The following TAFA1 variants were observed in gnomAD, a reference collection of about 807,000 sequenced individuals.
TAFA1 encodes TAFA chemokine like family member 1.
A neutral mutation model predicts 18.5 loss-of-function variants in TAFA1; 4 were observed. The observed-to-expected ratio is 0.22, with a 90% CI of 0.11 to 0.49. The LOEUF is 0.49. TAFA1 is among the 20% of genes least tolerant of loss of function. The probability of loss-of-function intolerance (pLI) is 0.98; values close to 1 mark genes in which losing one functional copy is unlikely to be tolerated. For missense variants in TAFA1, 147 were observed against 169.0 expected (o/e 0.87, Z 0.72); for synonymous variants, 56 against 55.2 (o/e 1.01, Z -0.06).
chr3:68,426,218 G>A (rs1001938631), intron 3 of TAFA1, among the ~76,000 whole-genome samples: 25 of 151,788 alleles, frequency 1.6e-4, no homozygotes, highest in African/African-American at 5.3e-4. Flanking sequence ...CAAAAGAAAT[G>A]TATCTGTATA....
intron 2 of TAFA1, among the ~76,000 whole-genome samples, chr3:68,366,085 CA>C (rs35861602): frequency 1.3e-3 from 126 of 93,820 alleles, no homozygotes; most frequent in Admixed American, 1.6e-3. Flanking sequence ...GACTCCATCT[CA>C]AAAAAAAAAA....
intron 2 of TAFA1, among the ~76,000 whole-genome samples, chr3:68,292,026 C>T (rs140885901): frequency 1.2e-4 from 19 of 152,174 alleles, no homozygotes; most frequent in African/African-American, 3.9e-4. Context: ...TTAGCTAATA[C>T]GGTTTCAGTT....
At chr3:68,456,606 G>A (rs1284478252) in intron 3 of TAFA1, among the ~76,000 whole-genome samples, 4 of 152,126 alleles carry the variant, frequency 2.6e-5, no homozygotes, top group African/African-American at 9.7e-5. Flanking sequence ...GTTTTACGCT[G>A]TCAGGTAATG....
At chr3:68,010,997 G>T (rs1225827152) in intron 2 of TAFA1, among the ~76,000 whole-genome samples, 1 of 151,842 alleles carries the variant, frequency 6.6e-6, no homozygotes, top group Admixed American at 6.6e-5. Flanking sequence ...GTTTTTTTGT[G>T]TAACAGGTAA....
chr3:68,405,996 A>G (rs1306504777), intron 2 of TAFA1, among the ~76,000 whole-genome samples: 1 of 152,088 alleles, frequency 6.6e-6, no homozygotes, highest in Non-Finnish European at 1.5e-5. Flanking sequence ...CGATTTATTA[A>G]TTACTTTTCA....
chr3:68,015,109 G>C (rs1006607444), intron 2 of TAFA1, among the ~76,000 whole-genome samples: 3 of 152,090 alleles, frequency 2.0e-5, no homozygotes, highest in African/African-American at 7.2e-5. Context: ...TTAAAAATAT[G>C]CCCATGGTGT....
rs142911586 is a variant in TAFA1 at position 68,396,816 on chromosome 3, C to T, written c.119-20464C>T. On this transcript the variant is annotated intron_variant, in intron 2 of 4. Coordinates refer to ENST00000478136, the MANE Select transcript of TAFA1 (RefSeq NM_213609.4). The stretch of plus-strand genomic sequence containing the variant: ...TTCTATTAAAATGCTGCTTTCATCA[C>T]GTTATTTTACCTGTTAAAATCTTTT... Among the ~76,000 whole-genome samples the T allele has an allele frequency of 2.8e-3, 431 of 152,284 alleles. 1 individual carries two copies. Among genetic ancestry groups the T allele is most frequent in the Non-Finnish European group, 5.3e-3 (363 of 68,024 alleles).
At chr3:68,061,101 C>T (rs1376266340) in intron 2 of TAFA1, among the ~76,000 whole-genome samples, 7 of 152,076 alleles carry the variant, frequency 4.6e-5, no homozygotes, top group African/African-American at 7.2e-5. Context: ...CTGCCTAAAC[C>T]GAGTGGACAG....
At chr3:68,221,310 A>T in intron 2 of TAFA1, among the ~76,000 whole-genome samples, 1 of 151,810 alleles carries the variant, frequency 6.6e-6, no homozygotes, top group East Asian at 1.9e-4. Context: ...CCTTCCCATT[A>T]TTTCTTAGGG....
At chr3:68,164,741 G>C (rs1269524429) in intron 2 of TAFA1, among the ~76,000 whole-genome samples, 2 of 151,642 alleles carry the variant, frequency 1.3e-5, no homozygotes, top group African/African-American at 4.8e-5. Context: ...CCCACTTTGT[G>C]GATTATCTAT....
At chr3:68,498,471 A>C (rs1029539099) in intron 3 of TAFA1, among the ~76,000 whole-genome samples, 16 of 152,160 alleles carry the variant, frequency 1.1e-4, no homozygotes, top group Admixed American at 7.2e-4. Context: ...ACCAAATTAC[A>C]AAAGCATATT....
intron 2 of TAFA1, among the ~76,000 whole-genome samples, chr3:68,255,576 G>A (rs973554861): frequency 9.9e-5 from 15 of 152,196 alleles, no homozygotes; most frequent in African/African-American, 3.1e-4. Flanking sequence ...TTGTCTCTAT[G>A]TCCGTTCAGG....
intron 2 of TAFA1, among the ~76,000 whole-genome samples, chr3:68,065,942 C>A (rs1332268115): frequency 6.6e-6 from 1 of 151,960 alleles, no homozygotes; most frequent in Admixed American, 6.6e-5. Flanking sequence ...TTGAAATGTG[C>A]AACAACATGG....
intron 2 of TAFA1, among the ~76,000 whole-genome samples, chr3:68,058,515 G>C (rs972499236): frequency 2.0e-5 from 3 of 152,148 alleles, no homozygotes; most frequent in African/African-American, 7.2e-5. Context: ...GACACATAGA[G>C]TCCTGGGGAG....
chr3:68,384,901 C>G (rs2070058820), intron 2 of TAFA1, among the ~76,000 whole-genome samples: 1 of 151,972 alleles, frequency 6.6e-6, no homozygotes, highest in Admixed American at 6.6e-5. Flanking sequence ...GAATTCAACC[C>G]TTTACCATTA....
intron 2 of TAFA1, among the ~76,000 whole-genome samples, chr3:68,200,313 G>A (rs1314602356): frequency 1.3e-5 from 2 of 151,562 alleles, no homozygotes; most frequent in Non-Finnish European, 3.0e-5. Flanking sequence ...TAATGTCTTT[G>A]TCTGGTTTTG....
chr3:68,441,250 C>T (rs554559568), intron 3 of TAFA1, among the ~76,000 whole-genome samples: 1 of 152,256 alleles, frequency 6.6e-6, no homozygotes, highest in South Asian at 2.1e-4. Flanking sequence ...GCAACAGGTG[C>T]AGGCTGCTTT....
At chr3:68,219,866 T>G (rs1273052424) in intron 2 of TAFA1, among the ~76,000 whole-genome samples, 1 of 152,174 alleles carries the variant, frequency 6.6e-6, no homozygotes, top group Non-Finnish European at 1.5e-5. Context: ...CCTGGATGGG[T>G]ACCAAGTTTG....
chr3:68,374,081 C>G (rs903568065), intron 2 of TAFA1, among the ~76,000 whole-genome samples: 7 of 152,130 alleles, frequency 4.6e-5, no homozygotes, highest in Non-Finnish European at 4.4e-5. Context: ...TGGTGTCACC[C>G]TCCTCTTTGC....
Sources: gnomAD v4.1 joint callset for allele counts (sites outside exome capture counted in the v4.1 genomes callset) on GRCh38, gnomAD v4.1.1 for gene constraint, MANE v1.5 for transcripts, NCBI Gene and HGNC (gene_info 2026-07-23, HGNC 2026-07-21) for gene names.